Variants in GP9 observed in about 807,000 individuals in gnomAD.
GP9 encodes platelet glycoprotein IX.
For synonymous variants in GP9, 116 were observed against 116.7 expected, an observed-to-expected ratio of 0.99 and a Z score of 0.04; for missense variants, 228 against 241.8, an observed-to-expected ratio of 0.94 and a Z score of 0.38.
rs772819137 is a variant in GP9 at position 129,061,893 on chromosome 3, C to T, written c.154C>T (p.Arg52Cys). ...CACGGCCCTGCCTGCCCTGCCGGCCCGCACCCGCCACCTTCTGCTGGCCAA... is the reference window on the plus strand; with the variant it reads ...CACGGCCCTGCCTGCCCTGCCGGCCTGCACCCGCCACCTTCTGCTGGCCAA... ...GLTALPALPA[R>C]TRHLLLANNS... The change falls in exon 3 of 3, where the codon CGC becomes TGC. Residue 52 changes from arginine to cysteine, a missense_variant. Arg to Cys is a radical substitution (Grantham distance 180, BLOSUM62 -3). Transcript: ENST00000307395. 57 of 1,613,296 alleles carry T rather than the reference C, an allele frequency of 3.5e-5. No homozygotes were observed. Among genetic ancestry groups the T allele is most frequent in the Admixed American group, 5.0e-5 (3 of 59,974 alleles).
chr3:129,056,039 C>T (rs140528965), upstream of GP9, among the ~76,000 whole-genome samples: 51 of 152,290 alleles, frequency 3.3e-4, no homozygotes, highest in African/African-American at 1.1e-3. Flanking sequence ...CAGCAAAGCA[C>T]CTGTCAGGCT....
chr3:129,061,538 C>T lies in GP9; in HGVS notation c.-94C>T, dbSNP rs1242281520. 6.4e-6 allele frequency: 4 copies of T among 624,328 alleles called. No individual in the cohort carries two copies. The highest frequency in any genetic ancestry group is 3.6e-5 in the African/African-American group (2 of 55,022). The allele number at this position is 624,328 out of a possible 1,614,324, so 38.7% of individuals were successfully genotyped here. On this transcript the variant is annotated 5_prime_UTR_variant, in exon 2 of 3. Coordinates refer to ENST00000307395, the MANE Select transcript of GP9 (RefSeq NM_000174.5). ...TTCTACGGTGTCCAGAGACAGTTAG[C>T]CAGGCCTGGGCTGGGCACACTCCAC...
chr3:129,062,177 G>A lies in GP9; in HGVS notation c.438G>A (p.Pro146=), dbSNP rs767278544. Residue 146 remains proline (P), a synonymous_variant, in exon 3 of 3, where the codon CCG becomes CCA. Transcript: ENST00000307395. ...AGCTGCAGGCGTCCTGGGTGCGCCC[G>A]GGGGTCTTGTGGGACGTGGCGCTGG... ...GWQLQASWVR[P]GVLWDVALVA... is the part of the protein sequence containing the mutation. 2.9e-5 allele frequency: 46 copies of A among 1,575,630 alleles called. No individual in the cohort carries two copies. Among genetic ancestry groups the A allele is most frequent in the South Asian group, 2.7e-4 (24 of 87,426 alleles).
At chr3:129,055,606 G>A in the GP9 span, among the ~76,000 whole-genome samples, 13 of 151,572 alleles carry the variant, frequency 8.6e-5, no homozygotes, top group Non-Finnish European at 1.9e-4. Context: ...GAGAAGGTAC[G>A]TCAAAGGGTG....
rs144100272 is a variant in GP9, at chr3:129,061,508, C to T, written c.-124C>T. 7.0e-4 allele frequency: 418 copies of T among 600,842 alleles called. No homozygotes were observed. The highest frequency in any genetic ancestry group is 4.6e-3 in the African/African-American group (248 of 54,052). The allele number at this position is 600,842 out of a possible 1,614,324, so 37.2% of individuals were successfully genotyped here. A position where few individuals can be genotyped will look rare whatever the true frequency, so the allele number is the denominator to read the frequency against. ...CCAATCCACAGCCGCCCTCACCGCC[C>T]GGCCTTCTACGGTGTCCAGAGACAG... On this transcript the variant is annotated 5_prime_UTR_variant, in exon 2 of 3. Coordinates refer to ENST00000307395, the MANE Select transcript of GP9 (RefSeq NM_000174.5).
the GP9 span, among the ~76,000 whole-genome samples, chr3:129,055,514 T>C: frequency 6.6e-6 from 1 of 152,192 alleles, no homozygotes; most frequent in African/African-American, 2.4e-5. Flanking sequence ...GGTTAGGGCT[T>C]TCAGCTGGGG....
intron 1 of GP9, 147 bp from the exon 2 acceptor site, chr3:129,061,347 C>T (rs1946572738): frequency 3.0e-6 from 1 of 335,276 alleles, no homozygotes; most frequent in Non-Finnish European, 5.7e-6. Flanking sequence ...CTCCAAGGCT[C>T]TTTCCTAGTC....
chr3:129,059,323 T>G (rs1272814085), upstream of GP9, among the ~76,000 whole-genome samples: 1 of 152,190 alleles, frequency 6.6e-6, no homozygotes, highest in Non-Finnish European at 1.5e-5. Flanking sequence ...CCAGATCTGG[T>G]CACAACACCT....
upstream of GP9, among the ~76,000 whole-genome samples, chr3:129,056,748 A>G (rs1559982621): frequency 2.6e-5 from 4 of 152,170 alleles, no homozygotes; most frequent in Admixed American, 1.3e-4. Flanking sequence ...GGTGAATCTT[A>G]AAGGATGCAG....
At chr3:129,058,218 A>G (rs927515241), upstream of GP9, among the ~76,000 whole-genome samples, 2 of 152,190 alleles carry the variant, frequency 1.3e-5, no homozygotes. Context: ...CTGATGGGGC[A>G]ATGTCCTGGA....
At chr3:129,059,664 C>T (rs1946554424), upstream of GP9, among the ~76,000 whole-genome samples, 1 of 152,074 alleles carries the variant, frequency 6.6e-6, no homozygotes, top group South Asian at 2.1e-4. Context: ...CTCAGGGCCT[C>T]CTAGGAGGGT....
At chr3:129,058,769 AG>A (rs748988284), upstream of GP9, among the ~76,000 whole-genome samples, 26 of 152,388 alleles carry the variant, frequency 1.7e-4, 3 homozygotes, top group Admixed American at 5.9e-4. Context: ...CCTGTGGGGT[AG>A]CCCTGCTCCC....
chr3:129,055,667 CAG>C, the GP9 span, among the ~76,000 whole-genome samples: 5 of 147,206 alleles, frequency 3.4e-5, no homozygotes, highest in Non-Finnish European at 5.9e-5. Flanking sequence ...TTTTTTAAGA[CAG>C]AGTCTTGCTC....
At chr3:129,058,328 A>G (rs1473958271), upstream of GP9, among the ~76,000 whole-genome samples, 1 of 152,104 alleles carries the variant, frequency 6.6e-6, no homozygotes, top group African/African-American at 2.4e-5. Flanking sequence ...GCACACATTT[A>G]TTTTCTCATT....
At chr3:129,054,883 T>C in the GP9 span, among the ~76,000 whole-genome samples, 3 of 152,208 alleles carry the variant, frequency 2.0e-5, no homozygotes, top group East Asian at 5.8e-4. Context: ...GTTTCAGTAT[T>C]GCTTATCTCA....
upstream of GP9, among the ~76,000 whole-genome samples, chr3:129,059,425 G>A (rs1003057222): frequency 3.3e-4 from 50 of 152,262 alleles, no homozygotes; most frequent in African/African-American, 3.6e-4. Flanking sequence ...CAGAGGAGGT[G>A]GAACATGCCA....
upstream of GP9, among the ~76,000 whole-genome samples, chr3:129,058,084 T>C (rs925106131): frequency 2.6e-5 from 4 of 152,116 alleles, no homozygotes; most frequent in African/African-American, 9.7e-5. Flanking sequence ...TAAAGTGATC[T>C]GCCTGCCTCA....
chr3:129,057,815 G>A (rs1946534470), upstream of GP9, among the ~76,000 whole-genome samples: 1 of 151,190 alleles, frequency 6.6e-6, no homozygotes, highest in Non-Finnish European at 1.5e-5. Flanking sequence ...AAAAGGGCAG[G>A]ATTATAGGTT....
chr3:129,056,942 A>G (rs941842625), upstream of GP9, among the ~76,000 whole-genome samples: 9 of 152,208 alleles, frequency 5.9e-5, no homozygotes. Flanking sequence ...GACAGCAGGG[A>G]GCCATGAAAG....
Sources: gnomAD v4.1 joint callset for allele counts (sites outside exome capture counted in the v4.1 genomes callset) on GRCh38, gnomAD v4.1.1 for gene constraint, MANE v1.5 for transcripts, NCBI Gene and HGNC (gene_info 2026-07-23, HGNC 2026-07-21) for gene names.